SMYD4: variants seen among roughly 807,000 people sequenced by gnomAD.
The protein encoded by SMYD4 is protein-lysine N-methyltransferase SMYD4.
SMYD4 carries 68 observed loss-of-function variants against 72.8 expected under a neutral mutation model. That is an observed-to-expected ratio of 0.93 (90% CI 0.77 to 1.14). The LOEUF (loss-of-function observed/expected upper bound fraction) is 1.14. Ranked by LOEUF, SMYD4 falls within the 50% of genes most tolerant of loss-of-function variation. The probability of loss-of-function intolerance (pLI) is 0.00; values close to 1 mark genes in which losing one functional copy is unlikely to be tolerated. For synonymous variants in SMYD4, 407 were observed against 388.6 expected, an observed-to-expected ratio of 1.05 and a Z score of -0.56; for missense variants, 984 against 1,003.7, an observed-to-expected ratio of 0.98 and a Z score of 0.27.
chr17:1,794,106 T>TATATATATATA (rs1491522927), intron 5 of SMYD4, among the ~76,000 whole-genome samples: 3 of 10,622 alleles, frequency 2.8e-4, no homozygotes, highest in East Asian at 2.4e-3. Flanking sequence ...TATATATATA[T>TATATATATATA]TTTTTTTTTT....
intron 4 of SMYD4, among the ~76,000 whole-genome samples, chr17:1,803,931 A>G (rs1909900808): frequency 6.7e-6 from 1 of 149,422 alleles, no homozygotes; most frequent in Non-Finnish European, 1.5e-5. Context: ...GCTGGAGTGC[A>G]GTGGTGCGAT....
chr17:1,816,079 C>A (rs896288586), intron 2 of SMYD4, among the ~76,000 whole-genome samples: 6 of 70,388 alleles, frequency 8.5e-5, no homozygotes. Context: ...CTATTCATTT[C>A]CAAAGTTTTT....
chr17:1,790,920 A>G (rs1205248821), intron 5 of SMYD4, among the ~76,000 whole-genome samples: 1 of 151,234 alleles, frequency 6.6e-6, no homozygotes, highest in South Asian at 2.1e-4. Context: ...AGGTCAGGAG[A>G]TCGAGACCTT....
chr17:1,821,143 A>C (rs749006273), intron 2 of SMYD4, among the ~76,000 whole-genome samples: 2 of 152,218 alleles, frequency 1.3e-5, no homozygotes, highest in Non-Finnish European at 2.9e-5. Context: ...AGACATAAGA[A>C]TGTATGCATT....
intron 8 of SMYD4, 66 bp downstream of exon 8, chr17:1,784,260 C>A: frequency 1.9e-6 from 3 of 1,606,172 alleles, no homozygotes; most frequent in Non-Finnish European, 2.6e-6. Context: ...ATCCCTGAGT[C>A]CAAAACGGTA....
intron 10 of SMYD4, chr17:1,781,908 T>C: frequency 6.4e-6 from 1 of 156,428 alleles, no homozygotes; most frequent in Non-Finnish European, 1.4e-5. Context: ...AGGGCTGACC[T>C]CTGACCTAAC....
intron 10 of SMYD4, chr17:1,782,697 C>A: frequency 4.9e-6 from 1 of 204,346 alleles, no homozygotes. Context: ...GTGGGGCTGC[C>A]TGGCCAAGTT....
At chr17:1,794,098 TATATATA>T (rs1464873631) in intron 5 of SMYD4, among the ~76,000 whole-genome samples, 1 of 23,160 alleles carries the variant, frequency 4.3e-5, no homozygotes, top group African/African-American at 1.4e-4. Context: ...TATATATATA[TATATATA>T]TTTTTTTTTT....
intron 4 of SMYD4, chr17:1,804,352 T>C: frequency 3.2e-6 from 1 of 313,514 alleles, no homozygotes; most frequent in South Asian, 3.3e-5. Context: ...TATCCCTGTA[T>C]TTTTAGTAGA....
At chr17:1,799,298 A>C (rs1173601608) in intron 5 of SMYD4, among the ~76,000 whole-genome samples, 1 of 152,060 alleles carries the variant, frequency 6.6e-6, no homozygotes, top group Non-Finnish European at 1.5e-5. Flanking sequence ...ATAGCTTTAC[A>C]CAACTCTGTA....
chr17:1,822,612 A>C (rs1046454277), intron 2 of SMYD4, among the ~76,000 whole-genome samples: 8 of 152,230 alleles, frequency 5.3e-5, no homozygotes, highest in Admixed American at 4.6e-4. Context: ...GGTGCCCGCC[A>C]CCATGGCCAG....
intron 5 of SMYD4, among the ~76,000 whole-genome samples, chr17:1,789,719 C>T (rs1047029276): frequency 7.0e-5 from 10 of 141,854 alleles, no homozygotes; most frequent in Non-Finnish European, 1.1e-4. Flanking sequence ...GAGCCGAGAT[C>T]GCACCACTGC....
intron 5 of SMYD4, among the ~76,000 whole-genome samples, chr17:1,796,835 CAAAGT>C (rs1180837177): frequency 1.3e-5 from 2 of 152,038 alleles, no homozygotes; most frequent in African/African-American, 4.8e-5. Context: ...AAAAACAGAA[CAAAGT>C]AAAGTATATT....
At chr17:1,796,530 A>C (rs952815809) in intron 5 of SMYD4, among the ~76,000 whole-genome samples, 2 of 149,990 alleles carry the variant, frequency 1.3e-5, no homozygotes, top group African/African-American at 4.9e-5. Context: ...CCCACCTCCC[A>C]GGTTCAAGCA....
intron 2 of SMYD4, among the ~76,000 whole-genome samples, chr17:1,817,082 T>C (rs1241816204): frequency 4.0e-5 from 6 of 150,438 alleles, no homozygotes; most frequent in Non-Finnish European, 8.9e-5. Flanking sequence ...TCTCACTCTG[T>C]CGCCCAGGCA....
intron 2 of SMYD4, among the ~76,000 whole-genome samples, chr17:1,826,491 CAAAAAAAAAAAAAAA>C (rs111636314): frequency 4.9e-5 from 5 of 103,058 alleles, no homozygotes; most frequent in Non-Finnish European, 8.1e-5. Context: ...AAACTCTGTC[CAAAAAAAAAAAAAAA>C]AAAAAAAAAA....
At chr17:1,783,727 A>C (rs998466683) in intron 8 of SMYD4, 1 of 546,600 alleles carries the variant, frequency 1.8e-6, no homozygotes. Context: ...TAACTTCCCA[A>C]CTCGACCAAC....
At chr17:1,794,513 T>G (rs1241425402) in intron 5 of SMYD4, among the ~76,000 whole-genome samples, 1 of 63,130 alleles carries the variant, frequency 1.6e-5, no homozygotes, top group African/African-American at 6.3e-5. Context: ...TTTGACATTC[T>G]ATAGTATTTT....
rs775771365 is a variant in SMYD4, at chr17:1,779,489, C to CAAAAT, written c.*1796_*1797insATTTT. 4 of 82,820 alleles carry CAAAAT rather than the reference C, an allele frequency of 4.8e-5. No homozygotes were observed. Among genetic ancestry groups the CAAAAT allele is most frequent in the African/African-American group, 9.9e-5 (3 of 30,306 alleles). The allele number at this position is 82,820 out of a possible 1,614,324, so 5.1% of individuals were successfully genotyped here. Reference sequence around the variant, plus strand: ...GTGAAACTCCATCTCAAAAACAAAACAAAACAAAACAAAACAAAACAAAAC... The same window carrying CAAAAT: ...GTGAAACTCCATCTCAAAAACAAAACAAAATAAAACAAAACAAAACAAAACAAAAC... On this transcript the variant is annotated 3_prime_UTR_variant, in exon 11 of 11. Transcript: ENST00000305513.
Sources: gnomAD v4.1 joint callset for allele counts (sites outside exome capture counted in the v4.1 genomes callset) on GRCh38, gnomAD v4.1.1 for gene constraint, MANE v1.5 for transcripts, NCBI Gene and HGNC (gene_info 2026-07-23, HGNC 2026-07-21) for gene names.